Variants in SLC5A2 observed in about 807,000 individuals in gnomAD.
The protein encoded by SLC5A2 is sodium/glucose cotransporter 2.
SLC5A2 carries 67 observed loss-of-function variants against 69.0 expected under a neutral mutation model. The ratio of observed to expected loss-of-function variants is 0.97; its 90% confidence interval spans 0.80 to 1.19. The LOEUF is 1.19. Among genes scored for constraint, SLC5A2 ranks in the 50% most tolerant of loss-of-function variants. The pLI is 0.00. For missense variants in SLC5A2, 1,001 were observed against 921.5 expected, an observed-to-expected ratio of 1.09 and a Z score of -1.12; for synonymous variants, 455 against 395.8, an observed-to-expected ratio of 1.15 and a Z score of -1.78.
Position 31,485,746 on chromosome 16 carries a change from GCTA to G in SLC5A2, c.324_326del (p.Leu109del). The stretch of plus-strand genomic sequence containing the variant: ...CCCCGTAGGCGCTCTTCGTGGTGCT[GCTA>G]CTGGGCTGGCTGTTTGCACCCGTGT... On this transcript the variant is annotated inframe_deletion, in exon 4 of 14. Transcript: ENST00000330498. 1 of 1,613,662 alleles carries G rather than the reference GCTA, an allele frequency of 6.2e-7. No individual in the cohort carries two copies. The highest frequency in any genetic ancestry group is 1.1e-5 in the South Asian group (1 of 91,088).
At chr16:31,486,307 C>T (rs773820219) in intron 5 of SLC5A2, 32 bp downstream of exon 5, 2 of 1,515,998 alleles carry the variant, frequency 1.3e-6, no homozygotes, top group South Asian at 2.2e-5. Context: ...AGGGAGTGGG[C>T]CTGGGACACT....
In SLC5A2 at chr16:31,485,812, G is replaced by C. The variant is rs1313010521; in HGVS notation, c.387G>C (p.Leu129=). 6.2e-7 allele frequency: 1 copy of C among 1,613,552 alleles called. No individual in the cohort carries two copies. Among genetic ancestry groups the C allele is most frequent in the Non-Finnish European group, 8.5e-7 (1 of 1,180,036 alleles). ...TAGVITMPQY[L]RKRFGGRRIR... ...GGGTCATCACGATGCCACAGTACCT[G>C]CGCAAGCGCTTCGGCGGCCGCCGCA... The change falls in exon 4 of 14, where the codon CTG becomes CTC. Residue 129 remains leucine (L), a synonymous_variant. Coordinates refer to ENST00000330498, the MANE Select transcript of SLC5A2 (RefSeq NM_003041.4).
chr16:31,484,321 T>G (rs2082478057), intron 1 of SLC5A2, among the ~76,000 whole-genome samples: 1 of 151,128 alleles, frequency 6.6e-6, no homozygotes, highest in Non-Finnish European at 1.5e-5. Flanking sequence ...CTTTGGAGGC[T>G]GAGGCATGAG....
Position 31,490,206 on chromosome 16 carries a change from C to T in SLC5A2, c.1768C>T (p.Pro590Ser). 4 of 1,614,116 alleles carry T rather than the reference C, an allele frequency of 2.5e-6. No homozygotes were observed. Among genetic ancestry groups the T allele is most frequent in the Non-Finnish European group, 3.4e-6 (4 of 1,180,016 alleles). The stretch of plus-strand genomic sequence containing the variant: ...CTCACTCCCTGTACAGAATGGGTGC[C>T]CAGAGAGTGCCATGGAGATGAATGG... ...GSSLPVQNGC[P>S]ESAMEMNEPQ... Residue 590 changes from proline to serine, a missense_variant, in exon 13 of 14, where the codon CCA becomes TCA. Transcript: ENST00000330498.
At chr16:31,488,308 G>A (rs894125906) in intron 8 of SLC5A2, 75 bp from the exon 9 acceptor site, 13 of 1,600,568 alleles carry the variant, frequency 8.1e-6, no homozygotes, top group Non-Finnish European at 9.4e-6. Flanking sequence ...TCCTCTGCTA[G>A]GATTCCCAGT....
Position 31,488,630 on chromosome 16 carries a change from G to A in SLC5A2, c.1138G>A (p.Gly380Arg), listed in dbSNP as rs1316904447. The change falls in exon 10 of 14, where the codon GGA becomes AGA. Residue 380 changes from glycine to arginine, a missense_variant. Gly to Arg is a moderately radical substitution (Grantham distance 125, BLOSUM62 -2). Transcript: ENST00000330498. ...CTGCCGTCGGCCCGCAGGTCTGCGC[G>A]GACTCATGCTGGCGGTCATGCTGGC... ...VVKLMPNGLR[G>R]LMLAVMLAAL... 3 of 1,611,392 alleles carry A rather than the reference G, an allele frequency of 1.9e-6. No individual in the cohort carries two copies. The highest frequency in any genetic ancestry group is 1.1e-5 in the South Asian group (1 of 90,974).
At chr16:31,485,994 C>A (rs1030878710) in intron 4 of SLC5A2, 101 bp downstream of exon 4, 1 of 1,378,462 alleles carries the variant, frequency 7.3e-7, no homozygotes, top group Non-Finnish European at 1.0e-6. Context: ...GAAACCACTG[C>A]GAGGGTTATG....
chr16:31,487,085 G>T (rs1397413871), intron 5 of SLC5A2, among the ~76,000 whole-genome samples: 1 of 151,980 alleles, frequency 6.6e-6, no homozygotes, highest in African/African-American at 2.4e-5. Context: ...GGCCTAGAGG[G>T]GGCTGCTAGT....
At chr16:31,484,227 TACACACACACACAC>T (rs537221545) in intron 1 of SLC5A2, among the ~76,000 whole-genome samples, 1 of 139,750 alleles carries the variant, frequency 7.2e-6, no homozygotes, top group African/African-American at 2.7e-5. Context: ...TCTACTAAAA[TACACACACACACAC>T]ACACACACAC....
Position 31,487,702 on chromosome 16 carries a change from G to T in SLC5A2, c.828G>T (p.Trp276Cys). 6.2e-7 allele frequency: 1 copy of T among 1,613,124 alleles called. No homozygotes were observed. ...LRHPVTGDLP[W>C]PALLLGLTIV... ...ACCCCGTGACCGGGGATCTGCCGTG[G>T]CCCGCGCTGCTCCTCGGACTCACAA... Residue 276 changes from tryptophan (W) to cysteine (C), a missense_variant, in exon 7 of 14, where the codon TGG (tryptophan) becomes TGT (cysteine). Physicochemically the swap from Trp to Cys is radical, Grantham distance 215. Coordinates refer to ENST00000330498, the MANE Select transcript of SLC5A2 (RefSeq NM_003041.4).
At position 31,488,151 on chromosome 16, in the gene SLC5A2, G is replaced by A; in HGVS notation, c.999G>A (p.Met333Ile). The A allele has an allele frequency of 1.2e-6, 2 of 1,614,074 alleles. No homozygotes were observed. Among genetic ancestry groups the A allele is most frequent in the Non-Finnish European group, 1.7e-6 (2 of 1,179,980 alleles). ...TGTTTCTCATGGTCATGCCAGGCAT[G>A]ATCAGCCGCATTCTGTACCCAGGTA... ...TPMFLMVMPG[M>I]ISRILYPDEV... The change falls in exon 8 of 14, where the codon ATG becomes ATA. Residue 333 changes from methionine (M) to isoleucine (I), a missense_variant. Coordinates refer to ENST00000330498, the MANE Select transcript of SLC5A2 (RefSeq NM_003041.4).
chr16:31,484,051 T>C (rs2082475440), intron 1 of SLC5A2, among the ~76,000 whole-genome samples: 2 of 152,096 alleles, frequency 1.3e-5, no homozygotes, highest in Admixed American at 1.3e-4. Context: ...ATCATGTCAC[T>C]GCACTCCAGC....
intron 7 of SLC5A2, 66 bp from the exon 8 acceptor site, chr16:31,487,972 G>A (rs1189097139): frequency 3.1e-6 from 5 of 1,599,438 alleles, no homozygotes; most frequent in African/African-American, 2.7e-5. Context: ...GGCACAGAGC[G>A]GAACGGGGCG....
Position 31,488,029 on chromosome 16 carries a change from C to A in SLC5A2, c.886-9C>A, listed in dbSNP as rs1313761723. ...CCCGCAAGCGGGCAGCTGAACGCCC[C>A]TCCCGTAGGTCATCGTGCAGCGCTG... On this transcript the variant is annotated splice_polypyrimidine_tract_variant and intron_variant, in intron 7 of 13. Coordinates refer to ENST00000330498, the MANE Select transcript of SLC5A2 (RefSeq NM_003041.4). 1.2e-6 allele frequency: 2 copies of A among 1,612,758 alleles called. No individual in the cohort carries two copies. Among genetic ancestry groups the A allele is most frequent in the Non-Finnish European group, 1.7e-6 (2 of 1,179,786 alleles).
In SLC5A2 at chr16:31,485,313, T is replaced by A. The variant is rs147422223; in HGVS notation, c.303+390T>A. 13 of 443,272 alleles carry A rather than the reference T, an allele frequency of 2.9e-5. No individual in the cohort carries two copies. The East Asian group carries it at 5.7e-4, about 19-fold the overall frequency. The allele number at this position is 443,272 out of a possible 1,614,324, so 27.5% of individuals were successfully genotyped here. On this transcript the variant is annotated intron_variant, in intron 3 of 13. Coordinates refer to ENST00000330498, the MANE Select transcript of SLC5A2 (RefSeq NM_003041.4). ...CAGAAGAGAGGAGCAGAGACAAAGC[T>A]CTGGGACTGAGGCTCCTGTTGGAGG...
Position 31,488,062 on chromosome 16 carries a change from G to A in SLC5A2, c.910G>A (p.Gly304Arg), listed in dbSNP as rs1345699534. Residue 304 changes from glycine to arginine, a missense_variant, in exon 8 of 14, where the codon GGG becomes AGG. Physicochemically the swap from Gly to Arg is moderately radical, Grantham distance 125. Coordinates refer to ENST00000330498, the MANE Select transcript of SLC5A2 (RefSeq NM_003041.4). ...DQVIVQRCLA[G>R]KSLTHIKAGC... is the part of the protein sequence containing the mutation. ...GGTCATCGTGCAGCGCTGCCTGGCC[G>A]GGAAGAGCCTGACCCACATCAAGGC... 5.0e-6 allele frequency: 8 copies of A among 1,613,794 alleles called. No individual in the cohort carries two copies. The highest frequency in any genetic ancestry group is 6.8e-6 in the Non-Finnish European group (8 of 1,179,966).
At position 31,490,661 on chromosome 16, in the gene SLC5A2, C is replaced by A; in HGVS notation, c.*126C>A. The A allele has an allele frequency of 9.1e-7, 1 of 1,096,328 alleles. No homozygotes were observed. Among genetic ancestry groups the A allele is most frequent in the South Asian group, 1.3e-5 (1 of 75,776 alleles). The allele number at this position is 1,096,328 out of a possible 1,614,324, so 67.9% of individuals were successfully genotyped here. A position where few individuals can be genotyped will look rare whatever the true frequency, so the allele number is the denominator to read the frequency against. Reference sequence around the variant, plus strand: ...AGGTCCTGGCTCCCCTTCTCCCGGCCTTCCTCTGCCTGGGGCCCACTGCAT... The same window carrying A: ...AGGTCCTGGCTCCCCTTCTCCCGGCATTCCTCTGCCTGGGGCCCACTGCAT... On this transcript the variant is annotated 3_prime_UTR_variant, in exon 14 of 14. Coordinates refer to ENST00000330498, the MANE Select transcript of SLC5A2 (RefSeq NM_003041.4).
chr16:31,490,056 C>G lies in SLC5A2; in HGVS notation c.1666-48C>G, dbSNP rs767191886. The G allele has an allele frequency of 3.1e-6, 5 of 1,611,022 alleles. No individual in the cohort carries two copies. In the African/African-American group the frequency reaches 5.3e-5, roughly 17 times the overall value. On this transcript the variant is annotated intron_variant, in intron 12 of 13. Coordinates refer to ENST00000330498, the MANE Select transcript of SLC5A2 (RefSeq NM_003041.4). Reference sequence around the variant, plus strand: ...GTGTGCAAGAGACTTTAGGGCCAGGCATGGGGGGACAGAACTCCCACCTCG... The same window carrying G: ...GTGTGCAAGAGACTTTAGGGCCAGGGATGGGGGGACAGAACTCCCACCTCG...
Position 31,487,638 on chromosome 16 carries a change from G to C in SLC5A2, c.764G>C (p.Cys255Ser). The part of the protein sequence containing the change: ...DPAVGNISSF[C>S]YRPRPDSYHL... ...GCCGTGGGAAACATCTCCAGCTTCT[G>C]CTATCGACCCCGGCCCGACTCCTAC... is the stretch of plus-strand genomic sequence containing the variant. Residue 255 changes from cysteine (C) to serine (S), a missense_variant, in exon 7 of 14, where the codon TGC becomes TCC. Coordinates refer to ENST00000330498, the MANE Select transcript of SLC5A2 (RefSeq NM_003041.4). The C allele has an allele frequency of 6.2e-7, 1 of 1,613,806 alleles. No individual in the cohort carries two copies. Among genetic ancestry groups the C allele is most frequent in the Non-Finnish European group, 8.5e-7 (1 of 1,179,972 alleles).
Sources: allele counts gnomAD v4.1 joint callset (sites outside exome capture counted in the v4.1 genomes callset), GRCh38; gene constraint gnomAD v4.1.1; transcripts MANE v1.5; gene names NCBI Gene and HGNC (gene_info 2026-07-23, HGNC 2026-07-21).